WWOX: variants seen among roughly 807,000 people sequenced by gnomAD.
WWOX encodes WW domain-containing oxidoreductase.
A neutral mutation model predicts 46.2 loss-of-function variants in WWOX; 69 were observed. The ratio of observed to expected loss-of-function variants is 1.49; its 90% CI spans 1.23 to 1.82. The LOEUF (loss-of-function observed/expected upper bound fraction) is 1.82, where lower values mean the gene tolerates loss of function less well. Among genes scored for constraint, WWOX ranks in the 40% most tolerant of loss-of-function variants. The pLI is 0.00. For missense variants in WWOX, 919 were observed against 542.6 expected (o/e 1.69, Z -6.89); for synonymous variants, 359 against 202.6 (o/e 1.77, Z -6.56).
At chr16:78,523,788 G>T (rs552075067) in intron 8 of WWOX, among the ~76,000 whole-genome samples, 2 of 152,192 alleles carry the variant, frequency 1.3e-5, no homozygotes, top group African/African-American at 4.8e-5. Context: ...GACCCTGGGG[G>T]CCTCTGGAAC....
At chr16:78,466,962 T>G (rs2084094350) in intron 8 of WWOX, among the ~76,000 whole-genome samples, 1 of 152,106 alleles carries the variant, frequency 6.6e-6, no homozygotes, top group African/African-American at 2.4e-5. Context: ...TAAACAGATC[T>G]TAGAGAGGGA....
chr16:78,841,332 A>G (rs1272678323), intron 8 of WWOX, among the ~76,000 whole-genome samples: 1 of 152,184 alleles, frequency 6.6e-6, no homozygotes, highest in Non-Finnish European at 1.5e-5. Flanking sequence ...AGCTGTTTGT[A>G]TTCATGGTGA....
chr16:79,027,862 C>T lies in WWOX; in HGVS notation c.1057-183746C>T, dbSNP rs150022542. On this transcript the variant is annotated intron_variant, in intron 8 of 8. Coordinates refer to ENST00000566780, the MANE Select transcript of WWOX (RefSeq NM_016373.4). Reference sequence around the variant, plus strand: ...ACCCCTGAACATAGCATAGAAACAGCACGTGTCTTAGGCTTGGAATGAGAT... The same window carrying T: ...ACCCCTGAACATAGCATAGAAACAGTACGTGTCTTAGGCTTGGAATGAGAT... 1.6e-4 allele frequency among the ~76,000 whole-genome samples: 24 copies of T among 151,956 alleles called. No homozygotes were observed. In the East Asian group the frequency reaches 1.9e-3, roughly 12 times the overall value.
At chr16:78,599,910 C>T (rs180734307) in intron 8 of WWOX, among the ~76,000 whole-genome samples, 29 of 152,150 alleles carry the variant, frequency 1.9e-4, no homozygotes, top group Admixed American at 1.0e-3. Flanking sequence ...TCAAAGATGC[C>T]GTGGGGGTGT....
chr16:78,701,015 T>A (rs998132241), intron 8 of WWOX, among the ~76,000 whole-genome samples: 4 of 152,138 alleles, frequency 2.6e-5, no homozygotes, highest in Admixed American at 6.5e-5. Flanking sequence ...TAGGTTTGAA[T>A]CCAGGGTCTG....
intron 6 of WWOX, among the ~76,000 whole-genome samples, chr16:78,409,027 C>T (rs770101631): frequency 1.1e-4 from 16 of 152,244 alleles, no homozygotes; most frequent in East Asian, 5.8e-4. Context: ...CTTAATGCCA[C>T]GTTATAAGGC....
intron 8 of WWOX, among the ~76,000 whole-genome samples, chr16:79,075,063 T>G (rs1392477460): frequency 6.6e-6 from 1 of 152,156 alleles, no homozygotes; most frequent in East Asian, 1.9e-4. Context: ...ACTATGGAAG[T>G]GCAATAGTTA....
intron 5 of WWOX, among the ~76,000 whole-genome samples, chr16:78,188,487 CAAA>C (rs11325655): frequency 1.7e-4 from 18 of 104,134 alleles, no homozygotes; most frequent in African/African-American, 3.8e-4. Flanking sequence ...GACTCTGTCT[CAAA>C]AAAAAAAAAA....
rs181039672 is a variant in WWOX at position 78,266,278 on chromosome 16, A to G, written c.516+101989A>G. On this transcript the variant is annotated intron_variant, in intron 5 of 8. Transcript: ENST00000566780. The stretch of plus-strand genomic sequence containing the variant: ...ATTTCAGTGTTCATAACTAAATTTT[A>G]AAAACTTTTATTGAAATTCCAGAGA... Among the ~76,000 whole-genome samples, 3 of 152,382 alleles carry G rather than the reference A, an allele frequency of 2.0e-5. No individual in the cohort carries two copies. In the East Asian group the frequency reaches 5.8e-4, roughly 29 times the overall value.
At chr16:78,369,685 C>T (rs971742033) in intron 5 of WWOX, among the ~76,000 whole-genome samples, 1 of 152,098 alleles carries the variant, frequency 6.6e-6, no homozygotes, top group Admixed American at 6.5e-5. Context: ...AAAGGTCTCT[C>T]TCGGTGGGAG....
At chr16:78,666,054 G>A (rs2047325897) in intron 8 of WWOX, among the ~76,000 whole-genome samples, 1 of 151,958 alleles carries the variant, frequency 6.6e-6, no homozygotes, top group African/African-American at 2.4e-5. Context: ...GGAGGCTAAG[G>A]CTGGAGGATT....
rs367647774 is a variant in WWOX, at chr16:78,758,273, C to G, written c.1056+325521C>G. Among the ~76,000 whole-genome samples the G allele has an allele frequency of 1.1e-3, 162 of 152,278 alleles. 3 individuals carry two copies. The highest frequency in any genetic ancestry group is 3.9e-3 in the African/African-American group (160 of 41,552). On this transcript the variant is annotated intron_variant, in intron 8 of 8. Coordinates refer to ENST00000566780, the MANE Select transcript of WWOX (RefSeq NM_016373.4). ...GTAGCTATTATTACCAGAGAATACT[C>G]TAAGCCCAATGCTTGTGTTCTCTTT... is the stretch of plus-strand genomic sequence containing the variant.
At chr16:78,704,122 G>C (rs1207849085) in intron 8 of WWOX, among the ~76,000 whole-genome samples, 1 of 152,014 alleles carries the variant, frequency 6.6e-6, no homozygotes, top group Middle Eastern at 3.4e-3. Context: ...TGGTGGAAAG[G>C]GGCAGGCTGT....
intron 5 of WWOX, among the ~76,000 whole-genome samples, chr16:78,333,812 T>G (rs971512987): frequency 6.6e-6 from 1 of 152,234 alleles, no homozygotes; most frequent in Non-Finnish European, 1.5e-5. Flanking sequence ...GAAGACATAC[T>G]TGAATTTTAA....
intron 8 of WWOX, among the ~76,000 whole-genome samples, chr16:78,808,717 C>T (rs1422327085): frequency 1.3e-5 from 2 of 152,106 alleles, no homozygotes; most frequent in East Asian, 1.9e-4. Flanking sequence ...TGAGTGGTTC[C>T]ATATTAATAT....
At chr16:78,530,299 C>A (rs1277761748) in intron 8 of WWOX, among the ~76,000 whole-genome samples, 1 of 152,176 alleles carries the variant, frequency 6.6e-6, no homozygotes, top group East Asian at 1.9e-4. Context: ...CTTTTGCACC[C>A]ACATCTGGGT....
chr16:78,921,946 G>T (rs1597153955), intron 8 of WWOX, among the ~76,000 whole-genome samples: 1 of 152,206 alleles, frequency 6.6e-6, no homozygotes. Flanking sequence ...TTAGATCGGG[G>T]AAGAGACAAA....
At chr16:78,173,803 A>G (rs1447156508) in intron 5 of WWOX, among the ~76,000 whole-genome samples, 2 of 152,194 alleles carry the variant, frequency 1.3e-5, no homozygotes, top group Non-Finnish European at 2.9e-5. Flanking sequence ...ATATCATACA[A>G]TGAGTGGCTT....
chr16:78,775,627 T>C (rs1227309353), intron 8 of WWOX, among the ~76,000 whole-genome samples: 1 of 152,128 alleles, frequency 6.6e-6, no homozygotes, highest in Non-Finnish European at 1.5e-5. Flanking sequence ...CCTGCTCCAA[T>C]GAGGATGAAA....
Sources: gnomAD v4.1 joint callset for allele counts (sites outside exome capture counted in the v4.1 genomes callset) on GRCh38, gnomAD v4.1.1 for gene constraint, MANE v1.5 for transcripts, NCBI Gene and HGNC (gene_info 2026-07-23, HGNC 2026-07-21) for gene names.